MTHFD2L: variants seen among roughly 807,000 people sequenced by gnomAD.
MTHFD2L encodes methylenetetrahydrofolate dehydrogenase (NADP+ dependent) 2 like, also known as bifunctional methylenetetrahydrofolate dehydrogenase/cyclohydrolase 2, mitochondrial.
In MTHFD2L, 29 loss-of-function variants were observed where a neutral mutation model predicts 34.9. The ratio of observed to expected loss-of-function variants is 0.83; its 90% CI spans 0.62 to 1.13. MTHFD2L has a LOEUF of 1.13. Ranked by LOEUF, MTHFD2L falls within the 50% of genes most tolerant of loss-of-function variation. The probability of loss-of-function intolerance (pLI) is 0.00; values close to 1 mark genes in which losing one functional copy is unlikely to be tolerated. For missense variants in MTHFD2L, 481 were observed against 446.5 expected, an observed-to-expected ratio of 1.08 and a Z score of -0.70; for synonymous variants, 167 against 155.7, an observed-to-expected ratio of 1.07 and a Z score of -0.54.
chr4:74,292,680 C>T (rs1156509305), intron 7 of MTHFD2L, among the ~76,000 whole-genome samples: 2 of 152,078 alleles, frequency 1.3e-5, no homozygotes, highest in Non-Finnish European at 2.9e-5. Context: ...TTTCCCAGCT[C>T]TTAATAGAAC....
At chr4:74,300,016 C>T (rs943069403) in intron 7 of MTHFD2L, among the ~76,000 whole-genome samples, 13 of 151,842 alleles carry the variant, frequency 8.6e-5, no homozygotes, top group Non-Finnish European at 1.8e-4. Context: ...GTAGAAGGAA[C>T]AGTTAGAGCA....
At chr4:74,211,277 G>C (rs1736270184) in intron 5 of MTHFD2L, among the ~76,000 whole-genome samples, 1 of 152,020 alleles carries the variant, frequency 6.6e-6, no homozygotes, top group South Asian at 2.1e-4. Context: ...TCAAAGGGAA[G>C]GTTTCCAGCT....
At chr4:74,220,955 T>A (rs1293217713) in intron 5 of MTHFD2L, among the ~76,000 whole-genome samples, 6 of 150,958 alleles carry the variant, frequency 4.0e-5, no homozygotes, top group Non-Finnish European at 8.9e-5. Context: ...TTGTCCACAA[T>A]TTTTTTAACA....
chr4:74,268,319 A>G, intron 6 of MTHFD2L: 6 of 891,348 alleles, frequency 6.7e-6, no homozygotes, highest in Non-Finnish European at 8.1e-6. Flanking sequence ...CACTCTAATT[A>G]TTATCTTTAT....
At chr4:74,158,010 C>A, upstream of MTHFD2L, 1 of 1,395,736 alleles carries the variant, frequency 7.2e-7, no homozygotes, top group Non-Finnish European at 9.8e-7. Flanking sequence ...TGCGTGTCTG[C>A]CGGAACCTGG....
At chr4:74,187,300 A>C (rs536456137) in intron 3 of MTHFD2L, among the ~76,000 whole-genome samples, 1 of 152,302 alleles carries the variant, frequency 6.6e-6, no homozygotes, top group South Asian at 2.1e-4. Context: ...TCCAGAATAG[A>C]ATGTCAAAGA....
At chr4:74,269,374 A>G (rs1432576433) in intron 6 of MTHFD2L, among the ~76,000 whole-genome samples, 6 of 152,108 alleles carry the variant, frequency 3.9e-5, no homozygotes, top group African/African-American at 7.2e-5. Flanking sequence ...TAACAATTCA[A>G]TTTCATATGC....
In MTHFD2L at chr4:74,201,568, ATTT is replaced by A. The variant is rs5859422; in HGVS notation, c.712+210_712+212del. Among the ~76,000 whole-genome samples, 727 of 141,194 alleles carry A rather than the reference ATTT, an allele frequency of 5.1e-3. 10 individuals carry two copies. The highest frequency in any genetic ancestry group is 0.018 in the African/African-American group (689 of 38,966). The allele number at this position is 141,194 out of a possible 152,430, so 92.6% of individuals were successfully genotyped here. On this transcript the variant is annotated intron_variant, in intron 5 of 7. Coordinates refer to ENST00000325278, the MANE Select transcript of MTHFD2L (RefSeq NM_001144978.3). The stretch of plus-strand genomic sequence containing the variant: ...CTGAAAATATGTGGCCATTTTCTCT[ATTT>A]TTTTTTTTTTTGGCTATATGCACTT...
intron 6 of MTHFD2L, among the ~76,000 whole-genome samples, chr4:74,279,360 C>A (rs937190925): frequency 4.6e-5 from 7 of 151,696 alleles, no homozygotes; most frequent in Non-Finnish European, 7.4e-5. Context: ...AATACTAATA[C>A]TTATTTTCTT....
chr4:74,262,778 A>G (rs1744834757), intron 6 of MTHFD2L, among the ~76,000 whole-genome samples: 2 of 151,956 alleles, frequency 1.3e-5, no homozygotes, highest in East Asian at 1.9e-4. Context: ...TGATGAAGTT[A>G]TGCTTTATTA....
chr4:74,201,569 T>G (rs1276113319), intron 5 of MTHFD2L, among the ~76,000 whole-genome samples, 199 bp downstream of exon 5: 1 of 256 alleles, frequency 3.9e-3, no homozygotes, highest in African/African-American at 4.0e-3. Context: ...ATTTTCTCTA[T>G]TTTTTTTTTT....
upstream of MTHFD2L, among the ~76,000 whole-genome samples, chr4:74,124,493 T>C (rs968744208): frequency 1.7e-4 from 25 of 151,294 alleles, no homozygotes; most frequent in Non-Finnish European, 3.7e-4. Flanking sequence ...TATATATTTA[T>C]ATATTAGTTT....
intron 3 of MTHFD2L, among the ~76,000 whole-genome samples, chr4:74,192,466 G>A (rs1453547437): frequency 6.6e-6 from 1 of 152,106 alleles, no homozygotes; most frequent in Non-Finnish European, 1.5e-5. Flanking sequence ...AAACTTTAGT[G>A]TATACATCAT....
intron 7 of MTHFD2L, among the ~76,000 whole-genome samples, chr4:74,284,994 T>A (rs1005028181): frequency 6.6e-6 from 1 of 152,112 alleles, no homozygotes; most frequent in Non-Finnish European, 1.5e-5. Flanking sequence ...TATACACCAT[T>A]GAATACTATG....
chr4:74,189,113 G>C (rs574499385), intron 3 of MTHFD2L, among the ~76,000 whole-genome samples: 38 of 151,944 alleles, frequency 2.5e-4, no homozygotes, highest in Non-Finnish European at 4.7e-4. Context: ...TTTTGTTTGG[G>C]GTAGTAGATT....
In MTHFD2L at chr4:74,281,454, G is replaced by A; in HGVS notation, c.835G>A (p.Val279Ile). ...GIPKLITSDM[V>I]KEGAAVIDVG... ...TCCAAAGTTGATTACGTCTGATATG[G>A]TTAAAGAAGGTGCTGCTGTAATTGA... is the stretch of plus-strand genomic sequence containing the variant. The change falls in exon 7 of 8, where the codon GTT (valine) becomes ATT (isoleucine). Residue 279 changes from valine to isoleucine, a missense_variant. Transcript: ENST00000325278. The A allele has an allele frequency of 1.2e-6, 2 of 1,612,276 alleles. No individual in the cohort carries two copies.
Position 74,210,346 on chromosome 4 carries a change from C to T in MTHFD2L, c.712+8976C>T, listed in dbSNP as rs558613715. Among the ~76,000 whole-genome samples, 4 of 152,174 alleles carry T rather than the reference C, an allele frequency of 2.6e-5. No individual in the cohort carries two copies. The South Asian group carries it at 8.3e-4, about 32-fold the overall frequency. On this transcript the variant is annotated intron_variant, in intron 5 of 7. Coordinates refer to ENST00000325278, the MANE Select transcript of MTHFD2L (RefSeq NM_001144978.3). ...AGGCCTTTTGTTTAAGGCTTTAATCCATCTTGAGTTAATTTTTGTATGAGA... is the reference window on the plus strand; with the variant it reads ...AGGCCTTTTGTTTAAGGCTTTAATCTATCTTGAGTTAATTTTTGTATGAGA...
intron 1 of MTHFD2L, among the ~76,000 whole-genome samples, chr4:74,126,261 T>G (rs1259400999): frequency 6.6e-6 from 1 of 152,172 alleles, no homozygotes; most frequent in East Asian, 1.9e-4. Context: ...ATATTTCTAG[T>G]CACAAAACAT....
chr4:74,158,348 C>G (rs879761122), intron 1 of MTHFD2L, 67 bp downstream of exon 1: 232 of 1,122,482 alleles, frequency 2.1e-4, no homozygotes, highest in Non-Finnish European at 2.5e-4. Context: ...GCGCGGGCGG[C>G]GCTCGCGCGC....
Sources: gnomAD v4.1 joint callset for allele counts (sites outside exome capture counted in the v4.1 genomes callset) on GRCh38, gnomAD v4.1.1 for gene constraint, MANE v1.5 for transcripts, NCBI Gene and HGNC (gene_info 2026-07-23, HGNC 2026-07-21) for gene names.